Variants in IRF9 observed in about 807,000 individuals in gnomAD.
IRF9 encodes interferon regulatory factor 9.
Under a neutral mutation model 44.1 loss-of-function variants are expected in IRF9, and 13 were observed. The observed-to-expected ratio is 0.29, with a 90% CI of 0.19 to 0.47. The LOEUF (loss-of-function observed/expected upper bound fraction) is 0.47, where lower values mean the gene tolerates loss of function less well. Ranked by LOEUF, IRF9 falls within the 20% of genes least tolerant of loss-of-function variation. The pLI is 1.00. For missense variants in IRF9, 373 were observed against 496.1 expected, an observed-to-expected ratio of 0.75 and a Z score of 2.36; for synonymous variants, 189 against 188.5, an observed-to-expected ratio of 1.00 and a Z score of -0.02.
At chr14:24,161,763 C>A (rs945686349) in intron 1 of IRF9, among the ~76,000 whole-genome samples, 2 of 152,152 alleles carry the variant, frequency 1.3e-5, no homozygotes, top group Non-Finnish European at 2.9e-5. Context: ...GCAGAACCTA[C>A]CTCTGCTGAT....
Position 24,164,443 on chromosome 14 carries a change from C to T in IRF9, c.650-171C>T. 1.5e-6 allele frequency: 1 copy of T among 669,650 alleles called. No individual in the cohort carries two copies. Among genetic ancestry groups the T allele is most frequent in the South Asian group, 1.9e-5 (1 of 52,846 alleles). The allele number at this position is 669,650 out of a possible 1,614,324, so 41.5% of individuals were successfully genotyped here. On this transcript the variant is annotated intron_variant, in intron 6 of 8. Coordinates refer to ENST00000396864, the MANE Select transcript of IRF9 (RefSeq NM_006084.5). This position sits in a 1 kb window ranked among gnomAD's most constrained non-coding sequence, Gnocchi z 5.2. ...AACTACAAGCCCCTGGGCATTGAGC[C>T]CTGAGGCCTCATGGTGAATCACATA...
Position 24,164,209 on chromosome 14 carries a change from C to A in IRF9, c.649+75C>A. ...CCACCTTTGACTATGCATGCATTATCTAGTCAGTCAGGGCTTACAGCAAAC... is the reference window on the plus strand; with the variant it reads ...CCACCTTTGACTATGCATGCATTATATAGTCAGTCAGGGCTTACAGCAAAC... On this transcript the variant is annotated intron_variant, in intron 6 of 8. Transcript: ENST00000396864. This position sits in a 1 kb window ranked among gnomAD's most constrained non-coding sequence, Gnocchi z 5.2. The A allele has an allele frequency of 8.0e-7, 1 of 1,249,504 alleles. No homozygotes were observed. Among genetic ancestry groups the A allele is most frequent in the Non-Finnish European group, 1.2e-6 (1 of 849,714 alleles). 77.4% of individuals were successfully genotyped at this position (1,249,504 alleles called of 1,614,324 possible). A position where few individuals can be genotyped will look rare whatever the true frequency, so the allele number is the denominator to read the frequency against.
intron 7 of IRF9, 51 bp downstream of exon 7, chr14:24,165,006 AC>A: frequency 6.4e-7 from 1 of 1,567,772 alleles, no homozygotes; most frequent in East Asian, 2.3e-5. Flanking sequence ...ACCTCTTAGT[AC>A]CCCCTGGGCC....
In IRF9 at chr14:24,164,416, TA is replaced by T; in HGVS notation, c.650-195del. The T allele has an allele frequency of 1.6e-6, 1 of 611,296 alleles. No individual in the cohort carries two copies. Among genetic ancestry groups the T allele is most frequent in the Non-Finnish European group, 2.9e-6 (1 of 350,200 alleles). The allele number at this position is 611,296 out of a possible 1,614,324, so 37.9% of individuals were successfully genotyped here. A position where few individuals can be genotyped will look rare whatever the true frequency, so the allele number is the denominator to read the frequency against. The stretch of plus-strand genomic sequence containing the variant: ...GGCCCAATCTCAAGGGACCTTCTAG[TA>T]AACTACAAGCCCCTGGGCATTGAGC... On this transcript the variant is annotated intron_variant, in intron 6 of 8. Coordinates refer to ENST00000396864, the MANE Select transcript of IRF9 (RefSeq NM_006084.5). The surrounding 1 kb of genome is among the most constrained non-coding windows in gnomAD (Gnocchi z 5.2).
chr14:24,163,764 G>C lies in IRF9; in HGVS notation c.496-114G>C, dbSNP rs188978464. Reference sequence around the variant, plus strand: ...GAGGCAGGAGAATCGCTTGAACCGGGGGGCGGAGATAGCAGTGAGCCGAGA... The same window carrying C: ...GAGGCAGGAGAATCGCTTGAACCGGCGGGCGGAGATAGCAGTGAGCCGAGA... On this transcript the variant is annotated intron_variant, in intron 4 of 8. Transcript: ENST00000396864. 96 of 1,113,042 alleles carry C rather than the reference G, an allele frequency of 8.6e-5. 1 individual carries two copies. In the African/African-American group the frequency reaches 1.3e-3, roughly 15 times the overall value. 68.9% of individuals were successfully genotyped at this position (1,113,042 alleles called of 1,614,324 possible).
chr14:24,163,719 TC>T (rs1286711995), intron 4 of IRF9, 158 bp from the exon 5 acceptor site: 3 of 871,034 alleles, frequency 3.4e-6, no homozygotes, highest in Admixed American at 5.9e-5. Flanking sequence ...CTGCCTGTAA[TC>T]CCAGCTACTC....
chr14:24,162,692 C>T (rs938055916), intron 2 of IRF9: 4 of 449,192 alleles, frequency 8.9e-6, no homozygotes, highest in South Asian at 2.7e-5. Flanking sequence ...CCCAGCTACT[C>T]GGGAGACTGA....
chr14:24,163,866 C>T lies in IRF9; in HGVS notation c.496-12C>T. On this transcript the variant is annotated splice_polypyrimidine_tract_variant and intron_variant, in intron 4 of 8. Transcript: ENST00000396864. ...AAAAGAGAAAAAAAATAAAAAGACACTGTGTCCGCAGGAGGAGGAGGGGGC... is the reference window on the plus strand; with the variant it reads ...AAAAGAGAAAAAAAATAAAAAGACATTGTGTCCGCAGGAGGAGGAGGGGGC... 1 of 1,585,546 alleles carries T rather than the reference C, an allele frequency of 6.3e-7. No individual in the cohort carries two copies. The highest frequency in any genetic ancestry group is 8.5e-7 in the Non-Finnish European group (1 of 1,173,100).
At chr14:24,165,804 CTCT>C (rs2038514597) in intron 7 of IRF9, 40 bp from the exon 8 acceptor site, 1 of 1,428,090 alleles carries the variant, frequency 7.0e-7, no homozygotes, top group Non-Finnish European at 9.8e-7. Flanking sequence ...GTGGCCCTCT[CTCT>C]TCTTTTTGTT....
chr14:24,161,716 G>T (rs2038458884), intron 1 of IRF9, among the ~76,000 whole-genome samples: 1 of 152,150 alleles, frequency 6.6e-6, no homozygotes, highest in Admixed American at 6.5e-5. Flanking sequence ...GGTTGTGTAG[G>T]CTGTGGGGCG....
At position 24,164,871 on chromosome 14, in the gene IRF9, C is replaced by T; in HGVS notation, c.907C>T (p.Pro303Ser). 1 of 1,611,816 alleles carries T rather than the reference C, an allele frequency of 6.2e-7. No homozygotes were observed. Among genetic ancestry groups the T allele is most frequent in the Non-Finnish European group, 8.5e-7 (1 of 1,179,966 alleles). ...CCCCATCCCCATCTCCTGGAATGCA[C>T]CCCAGGCTCCACCTGGGCCAGGCCC... ...LCPIPISWNA[P>S]QAPPGPGPHL... is the part of the protein sequence containing the mutation. The change falls in exon 7 of 9, where the codon CCC becomes TCC. Residue 303 changes from proline (P) to serine (S), a missense_variant. Around this residue, in one of 2 missense-constraint regions of IRF9, gnomAD observed 146 missense variants for 240.8 expected, o/e 0.61. Transcript: ENST00000396864. This position sits in a 1 kb window ranked among gnomAD's most constrained non-coding sequence, Gnocchi z 5.2.
chr14:24,164,270 C>G lies in IRF9; in HGVS notation c.649+136C>G. 1 of 793,020 alleles carries G rather than the reference C, an allele frequency of 1.3e-6. No homozygotes were observed. The highest frequency in any genetic ancestry group is 1.7e-5 in the South Asian group (1 of 58,896). 49.1% of individuals were successfully genotyped at this position (793,020 alleles called of 1,614,324 possible). A position where few individuals can be genotyped will look rare whatever the true frequency, so the allele number is the denominator to read the frequency against. Reference sequence around the variant, plus strand: ...TTACCATAGCCCTAGGCAGTGGTTTCTAGGTGGCGAGAATTCCATATGCCT... The same window carrying G: ...TTACCATAGCCCTAGGCAGTGGTTTGTAGGTGGCGAGAATTCCATATGCCT... On this transcript the variant is annotated intron_variant, in intron 6 of 8. Transcript: ENST00000396864. This position sits in a 1 kb window ranked among gnomAD's most constrained non-coding sequence, Gnocchi z 5.2.
Position 24,163,922 on chromosome 14 carries a change from G to A in IRF9, c.540G>A (p.Gly180=). Reference sequence around the variant, plus strand: ...GGGGAGCAGTCCATTCAGACATTGGGAGCAGCAGCAGCAGCAGCAGCCCTG... The same window carrying A: ...GGGGAGCAGTCCATTCAGACATTGGAAGCAGCAGCAGCAGCAGCAGCCCTG... ...ASGGAVHSDI[G]SSSSSSSPEP... The change falls in exon 5 of 9, where the codon GGG becomes GGA. Residue 180 remains glycine, a synonymous_variant. Transcript: ENST00000396864. 6.2e-7 allele frequency: 1 copy of A among 1,604,510 alleles called. No individual in the cohort carries two copies. The highest frequency in any genetic ancestry group is 1.1e-5 in the South Asian group (1 of 89,942).
chr14:24,165,091 C>T, intron 7 of IRF9, 136 bp downstream of exon 7: 8 of 828,298 alleles, frequency 9.7e-6, no homozygotes, highest in Non-Finnish European at 1.6e-5. Context: ...CACTCCTGCG[C>T]TTGTGTGTTG....
rs200007028 is a variant in IRF9, at chr14:24,164,915, C to T, written c.951C>T (p.Asn317=). The T allele has an allele frequency of 5.0e-5, 80 of 1,612,856 alleles. No individual in the cohort carries two copies. The highest frequency in any genetic ancestry group is 5.0e-4 in the Middle Eastern group (3 of 6,056). The change falls in exon 7 of 9, where the codon AAC becomes AAT. Residue 317 remains asparagine (N), a synonymous_variant. Transcript: ENST00000396864. This position sits in a 1 kb window ranked among gnomAD's most constrained non-coding sequence, Gnocchi z 5.2. Reference sequence around the variant, plus strand: ...CAGGCCCGCATCTGCTGCCCAGCAACGAGTGCGTGGAGCTCTTCAGAACCG... The same window carrying T: ...CAGGCCCGCATCTGCTGCCCAGCAATGAGTGCGTGGAGCTCTTCAGAACCG... ...PGPGPHLLPS[N]ECVELFRTAY...
chr14:24,165,073 A>G (rs2038507125), intron 7 of IRF9, 118 bp downstream of exon 7: 1 of 906,928 alleles, frequency 1.1e-6, no homozygotes, highest in Non-Finnish European at 1.8e-6. Flanking sequence ...CATGTAGCCT[A>G]TGCATGGCAC....
intron 7 of IRF9, 104 bp from the exon 8 acceptor site, chr14:24,165,743 C>A (rs1322655433): frequency 2.8e-6 from 2 of 710,744 alleles, no homozygotes; most frequent in African/African-American, 1.8e-5. Flanking sequence ...TCTGGCAAGA[C>A]CCCCTCCTAC....
intron 4 of IRF9, 109 bp from the exon 5 acceptor site, chr14:24,163,769 G>A (rs1317996792): frequency 1.5e-4 from 169 of 1,146,706 alleles, no homozygotes; most frequent in South Asian, 7.5e-4. Context: ...ACCGGGGGGC[G>A]GAGATAGCAG....
At position 24,166,504 on chromosome 14, in the gene IRF9, C is replaced by CT. The variant is rs1316213307; in HGVS notation, c.*311dup. The CT allele has an allele frequency of 2.2e-6, 1 of 457,740 alleles. No homozygotes were observed. The highest frequency in any genetic ancestry group is 3.8e-6 in the Non-Finnish European group (1 of 261,252). 28.4% of individuals were successfully genotyped at this position (457,740 alleles called of 1,614,324 possible). On this transcript the variant is annotated 3_prime_UTR_variant, in exon 9 of 9. Coordinates refer to ENST00000396864, the MANE Select transcript of IRF9 (RefSeq NM_006084.5). ...GACCTCCCAACTCTAAAGCCAAGCA[C>CT]TTTATATTTTCCTCTTAGATATTCA...
Sources: gnomAD v4.1 joint callset for allele counts (sites outside exome capture counted in the v4.1 genomes callset) on GRCh38, gnomAD v4.1.1 for gene constraint, gnomAD v4.1.1 regional missense constraint, Gnocchi (gnomAD v3.1) non-coding constraint, MANE v1.5 for transcripts, NCBI Gene and HGNC (gene_info 2026-07-23, HGNC 2026-07-21) for gene names.